The following LRMDA variants were observed in gnomAD, a reference collection of about 807,000 sequenced individuals.
The protein encoded by LRMDA is leucine rich melanocyte differentiation associated, also known as leucine-rich melanocyte differentiation-associated protein.
Under a neutral mutation model 29.8 loss-of-function variants are expected in LRMDA, and 18 were observed. The observed-to-expected ratio is 0.60, with a 90% CI of 0.42 to 0.90. LRMDA has a LOEUF of 0.90. Among genes scored for constraint, LRMDA ranks in the 40% least tolerant of loss-of-function variants. The probability of loss-of-function intolerance (pLI) is 0.00; values close to 1 mark genes in which losing one functional copy is unlikely to be tolerated. For missense variants in LRMDA, 273 were observed against 273.9 expected (o/e 1.00, Z 0.02); for synonymous variants, 125 against 109.4 (o/e 1.14, Z -0.89).
At chr10:76,085,021 G>A (rs901592714) in intron 5 of LRMDA, among the ~76,000 whole-genome samples, 2 of 152,178 alleles carry the variant, frequency 1.3e-5, no homozygotes, top group African/African-American at 2.4e-5. Flanking sequence ...AGAGAGATGC[G>A]GGATGGGATT....
chr10:75,638,207 G>A (rs1198407781), intron 2 of LRMDA, among the ~76,000 whole-genome samples: 2 of 152,130 alleles, frequency 1.3e-5, no homozygotes, highest in African/African-American at 4.8e-5. Context: ...GGAATCCTCA[G>A]GTTCCTAGGA....
chr10:75,511,481 C>G (rs1845225474), intron 2 of LRMDA, among the ~76,000 whole-genome samples: 1 of 152,144 alleles, frequency 6.6e-6, no homozygotes, highest in Admixed American at 6.5e-5. Flanking sequence ...TCTCAGATAC[C>G]TTCCTGCTCT....
chr10:75,911,337 G>C (rs1019066604), intron 2 of LRMDA, among the ~76,000 whole-genome samples: 6 of 152,070 alleles, frequency 3.9e-5, no homozygotes, highest in Admixed American at 6.5e-5. Flanking sequence ...GAGGTGGCAT[G>C]GGGGGAGCAC....
intron 5 of LRMDA, among the ~76,000 whole-genome samples, chr10:76,302,737 C>T (rs1840496958): frequency 6.6e-6 from 1 of 152,176 alleles, no homozygotes; most frequent in African/African-American, 2.4e-5. Context: ...TGATTCTTCT[C>T]ATACAGAGAA....
intron 2 of LRMDA, among the ~76,000 whole-genome samples, chr10:75,632,701 AGAG>A (rs975885541): frequency 2.0e-5 from 3 of 150,566 alleles, no homozygotes; most frequent in Non-Finnish European, 4.4e-5. Context: ...AAGTGTAGGG[AGAG>A]CCTGTGTCTT....
intron 6 of LRMDA, among the ~76,000 whole-genome samples, chr10:76,459,814 C>T (rs1021694517): frequency 9.2e-5 from 14 of 151,992 alleles, no homozygotes; most frequent in Admixed American, 4.6e-4. Flanking sequence ...TGGGGTACAA[C>T]GTGCAGGTTT....
At chr10:76,401,139 A>G (rs1841843491) in intron 6 of LRMDA, among the ~76,000 whole-genome samples, 1 of 152,066 alleles carries the variant, frequency 6.6e-6, no homozygotes, top group Non-Finnish European at 1.5e-5. Context: ...TCATCTTTCC[A>G]TGCCCTTGAG....
At chr10:75,565,538 C>G (rs955243528) in intron 2 of LRMDA, among the ~76,000 whole-genome samples, 3 of 152,182 alleles carry the variant, frequency 2.0e-5, no homozygotes, top group African/African-American at 7.2e-5. Flanking sequence ...AGGCTAAGTC[C>G]TAATCAAACA....
chr10:76,549,267 TG>T (rs1307197913), intron 6 of LRMDA, among the ~76,000 whole-genome samples: 3 of 152,172 alleles, frequency 2.0e-5, no homozygotes, highest in Admixed American at 2.0e-4. Flanking sequence ...CAGCCTTGCC[TG>T]CTGATCACCT....
At chr10:76,087,655 G>A (rs1187546948) in intron 5 of LRMDA, among the ~76,000 whole-genome samples, 1 of 152,066 alleles carries the variant, frequency 6.6e-6, no homozygotes, top group Non-Finnish European at 1.5e-5. Flanking sequence ...ATATTGGAAG[G>A]GCTTCATGTG....
intron 2 of LRMDA, among the ~76,000 whole-genome samples, chr10:75,904,729 C>T (rs1845730700): frequency 6.6e-6 from 1 of 152,184 alleles, no homozygotes; most frequent in Admixed American, 6.5e-5. Context: ...ACCAAGTCAA[C>T]ATCAGCCCAA....
chr10:75,938,226 C>G (rs1007002969), intron 2 of LRMDA, among the ~76,000 whole-genome samples: 1 of 152,124 alleles, frequency 6.6e-6, no homozygotes, highest in Non-Finnish European at 1.5e-5. Flanking sequence ...GAGAATTACA[C>G]CCAATTTGGG....
intron 5 of LRMDA, among the ~76,000 whole-genome samples, chr10:76,061,993 T>A (rs1848708143): frequency 6.6e-6 from 1 of 152,156 alleles, no homozygotes; most frequent in Admixed American, 6.5e-5. Context: ...TGTACAGACA[T>A]ATGTTTGTTC....
chr10:75,942,653 G>C (rs1332655811), intron 2 of LRMDA, among the ~76,000 whole-genome samples: 1 of 152,154 alleles, frequency 6.6e-6, no homozygotes, highest in African/African-American at 2.4e-5. Context: ...CATTAGTTTT[G>C]CAGTGATGCC....
At chr10:75,963,484 T>A (rs1223438489) in intron 2 of LRMDA, among the ~76,000 whole-genome samples, 2 of 152,256 alleles carry the variant, frequency 1.3e-5, no homozygotes. Flanking sequence ...GATTGTGTTT[T>A]GTCCCTTAAT....
chr10:75,548,086 G>C (rs1022842016), intron 2 of LRMDA, among the ~76,000 whole-genome samples: 10 of 150,520 alleles, frequency 6.6e-5, no homozygotes, highest in African/African-American at 2.5e-4. Context: ...AGTGGTGAAG[G>C]ACAGCATTTA....
intron 2 of LRMDA, among the ~76,000 whole-genome samples, chr10:75,723,510 AG>A (rs1378093348): frequency 1.3e-5 from 2 of 152,190 alleles, no homozygotes; most frequent in African/African-American, 2.4e-5. Flanking sequence ...CAGGAGAAGG[AG>A]GGGGCTCTTG....
chr10:75,786,601 G>T (rs960935374), intron 2 of LRMDA, among the ~76,000 whole-genome samples: 1 of 151,656 alleles, frequency 6.6e-6, no homozygotes, highest in African/African-American at 2.4e-5. Flanking sequence ...TATTCTTCAG[G>T]GCCTTTCTGA....
At chr10:75,566,490 C>G (rs894720503) in intron 2 of LRMDA, among the ~76,000 whole-genome samples, 4 of 152,158 alleles carry the variant, frequency 2.6e-5, no homozygotes, top group Non-Finnish European at 4.4e-5. Context: ...GTCTAAGAAG[C>G]ACTGCTAAGA....
Sources: allele counts gnomAD v4.1 joint callset (sites outside exome capture counted in the v4.1 genomes callset), GRCh38; gene constraint gnomAD v4.1.1; transcripts MANE v1.5; gene names NCBI Gene and HGNC (gene_info 2026-07-23, HGNC 2026-07-21).